LCP2: variants seen among roughly 807,000 people sequenced by gnomAD.
The protein encoded by LCP2 is lymphocyte cytosolic protein 2, also known as 76 kDa tyrosine phosphoprotein.
LCP2 carries 29 observed loss-of-function variants against 74.5 expected under a neutral mutation model. The ratio of observed to expected loss-of-function variants is 0.39; its 90% CI spans 0.29 to 0.53. The LOEUF is 0.53. LCP2 is among the 20% of genes least tolerant of loss of function. The probability of loss-of-function intolerance (pLI) is 0.72; values close to 1 mark genes in which losing one functional copy is unlikely to be tolerated. For synonymous variants in LCP2, 228 were observed against 229.5 expected (o/e 0.99, Z 0.06); for missense variants, 604 against 634.6 (o/e 0.95, Z 0.52).
chr5:170,295,605 C>T (rs944529836), intron 1 of LCP2, among the ~76,000 whole-genome samples: 4 of 152,230 alleles, frequency 2.6e-5, no homozygotes, highest in Admixed American at 6.5e-5. Context: ...GACCCCACTA[C>T]TTGGGTAGAG....
chr5:170,291,000 GAGAGAAAGAAAGAGAGAA>G (rs1762284570), intron 2 of LCP2, among the ~76,000 whole-genome samples: 1 of 76,284 alleles, frequency 1.3e-5, no homozygotes, highest in African/African-American at 5.5e-5. Context: ...AAGAAAGAAA[GAGAGAAAGAAAGAGAGAA>G]AGAAAGAGAG....
rs1434687415 is a variant in LCP2 at position 170,297,651 on chromosome 5, G to A, written c.-40C>T. 2 of 1,562,338 alleles carry A rather than the reference G, an allele frequency of 1.3e-6. No individual in the cohort carries two copies. Among genetic ancestry groups the A allele is most frequent in the Non-Finnish European group, 1.7e-6 (2 of 1,146,726 alleles). ...GAAGAAGCTCACAAGCTGAGCATGGGCGCTTCACCCATGGGCAGAGAAGCT... is the reference window on the plus strand; with the variant it reads ...GAAGAAGCTCACAAGCTGAGCATGGACGCTTCACCCATGGGCAGAGAAGCT... On this transcript the variant is annotated 5_prime_UTR_variant, in exon 1 of 21. Coordinates refer to ENST00000046794, the MANE Select transcript of LCP2 (RefSeq NM_005565.5).
intron 3 of LCP2, chr5:170,287,678 T>C (rs954560695): frequency 4.4e-6 from 2 of 450,894 alleles, no homozygotes; most frequent in Admixed American, 6.9e-5. Context: ...ACTGATGCTA[T>C]TTTCACAGGC....
intron 19 of LCP2, chr5:170,251,239 C>G (rs1761434438): frequency 9.3e-6 from 2 of 214,176 alleles, no homozygotes; most frequent in Admixed American, 5.4e-5. Flanking sequence ...TTGGTTAACT[C>G]AAGATATATC....
intron 17 of LCP2, among the ~76,000 whole-genome samples, chr5:170,255,234 A>G (rs1761528870): frequency 6.6e-6 from 1 of 152,246 alleles, no homozygotes; most frequent in African/African-American, 2.4e-5. Context: ...TCAAATGCTT[A>G]GAAAACATTG....
rs1761545635 is a variant in LCP2 at position 170,256,155 on chromosome 5, G to T, written c.1150+371C>A. Among the ~76,000 whole-genome samples, 1 of 152,136 alleles carries T rather than the reference G, an allele frequency of 6.6e-6. No individual in the cohort carries two copies. Among genetic ancestry groups the T allele is most frequent in the Non-Finnish European group, 1.5e-5 (1 of 68,022 alleles). On this transcript the variant is annotated intron_variant, in intron 17 of 20. Coordinates refer to ENST00000046794, the MANE Select transcript of LCP2 (RefSeq NM_005565.5). The surrounding 1 kb of genome is among the most constrained non-coding windows in gnomAD (Gnocchi z 4.5). ...GCTTCCTGGTGAAGTGTGTGTAGGT[G>T]TGTCCATGTATGTATGTGTGTATGC...
chr5:170,268,116 G>A (rs976952980), intron 8 of LCP2, among the ~76,000 whole-genome samples: 1 of 152,084 alleles, frequency 6.6e-6, no homozygotes, highest in Non-Finnish European at 1.5e-5. Context: ...TAGGTGCCAC[G>A]GACTTAATTC....
In LCP2 at chr5:170,267,670, G is replaced by T. The variant is rs541621442; in HGVS notation, c.622-595C>A. ...GATCTCTTTCAGACATCTGTCTACC[G>T]TCTGATAACTAGCCCTAGTTGAGTT... On this transcript the variant is annotated intron_variant, in intron 8 of 20. Coordinates refer to ENST00000046794, the MANE Select transcript of LCP2 (RefSeq NM_005565.5). 8.3e-4 allele frequency among the ~76,000 whole-genome samples: 125 copies of T among 149,724 alleles called. 1 individual carries two copies. The South Asian group carries it at 8.6e-3, about 10-fold the overall frequency.
intron 2 of LCP2, among the ~76,000 whole-genome samples, chr5:170,290,998 AAGAGAGAAAGAAAG>A (rs1561979151): frequency 1.4e-4 from 12 of 84,896 alleles, no homozygotes; most frequent in African/African-American, 5.6e-4. Flanking sequence ...GAAAGAAAGA[AAGAGAGAAAGAAAG>A]AGAGAAAGAA....
At chr5:170,251,133 C>A in intron 19 of LCP2, 1 of 406,002 alleles carries the variant, frequency 2.5e-6, no homozygotes, top group Non-Finnish European at 4.4e-6. Flanking sequence ...CCAAGTCAAT[C>A]TCGTTAAAGC....
intron 3 of LCP2, among the ~76,000 whole-genome samples, chr5:170,278,641 C>T (rs1762051867): frequency 1.3e-5 from 2 of 152,076 alleles, no homozygotes; most frequent in African/African-American, 4.8e-5. Flanking sequence ...CCTCCTCCTA[C>T]AGAGTTTGAC....
intron 6 of LCP2, 171 bp downstream of exon 6, chr5:170,274,130 G>C: frequency 3.0e-6 from 2 of 658,858 alleles, no homozygotes. Context: ...GGCTCCCAAA[G>C]CCAAAACTAT....
At chr5:170,249,285 A>G (rs1302834252) in intron 20 of LCP2, among the ~76,000 whole-genome samples, 1 of 151,712 alleles carries the variant, frequency 6.6e-6, no homozygotes, top group Non-Finnish European at 1.5e-5. Context: ...AGATTGCGCC[A>G]TTGCCGCACT....
At chr5:170,252,033 A>G (rs3789184) in intron 19 of LCP2, 96,579 of 196,302 alleles carry the variant, frequency 0.49, 24,181 homozygotes, top group South Asian at 0.53. Context: ...AGTTGCTGCC[A>G]TCTCTTTAAT....
intron 17 of LCP2, among the ~76,000 whole-genome samples, chr5:170,254,093 A>G (rs1761505962): frequency 6.6e-6 from 1 of 152,190 alleles, no homozygotes; most frequent in Non-Finnish European, 1.5e-5. Context: ...CCAGATCTTG[A>G]GTAAGGTATC....
At chr5:170,259,555 G>C (rs1345213485) in intron 14 of LCP2, among the ~76,000 whole-genome samples, 1 of 152,220 alleles carries the variant, frequency 6.6e-6, no homozygotes, top group African/African-American at 2.4e-5. Context: ...CCACCAACTA[G>C]TAGACCAAAA....
chr5:170,263,859 C>T (rs564430049), intron 10 of LCP2, among the ~76,000 whole-genome samples: 17 of 152,248 alleles, frequency 1.1e-4, no homozygotes, highest in African/African-American at 4.1e-4. Context: ...ATAGGTTTGC[C>T]ATAAGAATTG....
chr5:170,297,114 C>T (rs1296668350), intron 1 of LCP2, among the ~76,000 whole-genome samples: 2 of 152,156 alleles, frequency 1.3e-5, no homozygotes, highest in East Asian at 3.9e-4. Context: ...AGAGCATGGA[C>T]TTTAAAACCA....
intron 2 of LCP2, among the ~76,000 whole-genome samples, chr5:170,288,695 C>T (rs560608126): frequency 3.3e-5 from 5 of 152,252 alleles, no homozygotes; most frequent in East Asian, 1.9e-4. Flanking sequence ...GAGAGAAAGC[C>T]GAGGCTCAGG....
Sources: gnomAD v4.1 joint callset for allele counts (sites outside exome capture counted in the v4.1 genomes callset) on GRCh38, gnomAD v4.1.1 for gene constraint, Gnocchi (gnomAD v3.1) non-coding constraint, MANE v1.5 for transcripts, NCBI Gene and HGNC (gene_info 2026-07-23, HGNC 2026-07-21) for gene names.